The following DAB1 variants were observed in gnomAD, a reference collection of about 807,000 sequenced individuals.
DAB1 encodes DAB adaptor protein 1, also known as disabled homolog 1.
DAB1 carries 15 observed loss-of-function variants against 64.6 expected under a neutral mutation model. The ratio of observed to expected loss-of-function variants is 0.23; its 90% CI spans 0.16 to 0.36. DAB1 has a LOEUF of 0.36. Ranked by LOEUF, DAB1 falls within the 10% of genes least tolerant of loss-of-function variation. DAB1 has a pLI of 1.00. For missense variants in DAB1, 596 were observed against 706.7 expected (o/e 0.84, Z 1.78); for synonymous variants, 235 against 251.9 (o/e 0.93, Z 0.64).
chr1:58,350,072 C>T (rs898586702), intron 3 of DAB1, among the ~76,000 whole-genome samples: 3 of 152,188 alleles, frequency 2.0e-5, no homozygotes, highest in African/African-American at 7.2e-5. Flanking sequence ...ACACTCCCAC[C>T]AAATGTGTAA....
chr1:58,366,204 G>A (rs1644215674), intron 3 of DAB1, among the ~76,000 whole-genome samples: 1 of 152,166 alleles, frequency 6.6e-6, no homozygotes, highest in Non-Finnish European at 1.5e-5. Flanking sequence ...CTCATTCTGA[G>A]TATGGTTTTG....
intron 7 of DAB1, among the ~76,000 whole-genome samples, chr1:57,479,499 A>G (rs1359895003): frequency 6.6e-6 from 1 of 151,246 alleles, no homozygotes; most frequent in Admixed American, 6.6e-5. Context: ...TAGTTATCTA[A>G]TGCAGCATAT....
intron 9 of DAB1, among the ~76,000 whole-genome samples, chr1:57,037,804 A>G (rs905280260): frequency 6.6e-6 from 1 of 152,202 alleles, no homozygotes; most frequent in Non-Finnish European, 1.5e-5. Flanking sequence ...CAATTGAAGA[A>G]CAAGGGCAAG....
chr1:57,899,280 T>C (rs1644438447), intron 5 of DAB1, among the ~76,000 whole-genome samples: 1 of 152,152 alleles, frequency 6.6e-6, no homozygotes, highest in South Asian at 2.1e-4. Flanking sequence ...ATTTCATCTA[T>C]GTGTAAAGCT....
At chr1:57,844,008 T>C (rs1361772866) in intron 1 of DAB1, among the ~76,000 whole-genome samples, 1 of 152,254 alleles carries the variant, frequency 6.6e-6, no homozygotes. Context: ...AATTACTTTC[T>C]GGCTGTTCCC....
chr1:57,885,952 C>T (rs1467465571), upstream of DAB1, among the ~76,000 whole-genome samples: 2 of 152,184 alleles, frequency 1.3e-5, no homozygotes, highest in African/African-American at 4.8e-5. Flanking sequence ...TTCTACCCTC[C>T]TGCTTAATCT....
At chr1:58,386,752 A>G (rs1569715532) in intron 3 of DAB1, among the ~76,000 whole-genome samples, 1 of 152,238 alleles carries the variant, frequency 6.6e-6, no homozygotes, top group East Asian at 1.9e-4. Context: ...ATCAAAAGGA[A>G]TAACACAGAT....
At chr1:57,082,688 C>G (rs372311121) in intron 4 of DAB1, among the ~76,000 whole-genome samples, 263 of 152,222 alleles carry the variant, frequency 1.7e-3, no homozygotes, top group South Asian at 7.1e-3. Flanking sequence ...TCCCCCTGAT[C>G]CCCCAACAGG....
At chr1:57,319,058 C>T (rs1237925236) in intron 1 of DAB1, among the ~76,000 whole-genome samples, 1 of 152,226 alleles carries the variant, frequency 6.6e-6, no homozygotes, top group Non-Finnish European at 1.5e-5. Context: ...GAGATCCCCA[C>T]CTGTCTTTCC....
chr1:57,651,686 C>G (rs1646258143), intron 6 of DAB1, among the ~76,000 whole-genome samples: 1 of 152,000 alleles, frequency 6.6e-6, no homozygotes. Flanking sequence ...TGACAGAAAG[C>G]CTGGAATTCA....
chr1:57,149,873 A>G (rs918098833), intron 2 of DAB1, among the ~76,000 whole-genome samples: 1 of 152,212 alleles, frequency 6.6e-6, no homozygotes. Flanking sequence ...GTTCACAAGC[A>G]CACATGCCCT....
In DAB1 at chr1:57,145,403, T is replaced by A; in HGVS notation, c.94A>T (p.Ile32Leu). 6.2e-7 allele frequency: 1 copy of A among 1,614,062 alleles called. No homozygotes were observed. Among genetic ancestry groups the A allele is most frequent in the Non-Finnish European group, 8.5e-7 (1 of 1,179,952 alleles). Residue 32 changes from isoleucine (I) to leucine (L), a missense_variant, in exon 3 of 15, where the codon ATA becomes TTA. Physicochemically the swap from Ile to Leu is conservative, Grantham distance 5. This residue lies in a region of DAB1 where 43 missense variants were observed against 39.6 expected (regional missense o/e 1.09). Transcript: ENST00000371236. ...KGQDRSEATL[I>L]KRFKGEGVRY... The stretch of plus-strand genomic sequence containing the variant: ...ACCCCTTCACCTTTAAACCTCTTTA[T>A]CAAAGTGGCTTCACTGCGATCCTGA...
At chr1:57,587,473 TATA>T (rs1645393974) in intron 7 of DAB1, among the ~76,000 whole-genome samples, 1 of 152,150 alleles carries the variant, frequency 6.6e-6, no homozygotes, top group African/African-American at 2.4e-5. Flanking sequence ...AGAAAGATTG[TATA>T]ATGTTATTTT....
chr1:58,226,134 C>A (rs1472039146), intron 4 of DAB1, among the ~76,000 whole-genome samples: 1 of 152,094 alleles, frequency 6.6e-6, no homozygotes, highest in African/African-American at 2.4e-5. Context: ...CTAGCTCTGG[C>A]CATCTCCAAG....
chr1:57,267,009 T>C (rs902172882), intron 2 of DAB1, among the ~76,000 whole-genome samples: 3 of 152,088 alleles, frequency 2.0e-5, no homozygotes, highest in Admixed American at 1.3e-4. Flanking sequence ...TACTGTCATG[T>C]CCTAATCTAC....
At chr1:58,422,697 C>T (rs1205040281) in intron 3 of DAB1, among the ~76,000 whole-genome samples, 3 of 150,570 alleles carry the variant, frequency 2.0e-5, no homozygotes, top group African/African-American at 7.3e-5. Context: ...CTGCCAGCTG[C>T]TTGGCCACAT....
Position 58,180,281 on chromosome 1 carries a change from C to CTTTTTTTTTTTTTTTTT in DAB1, n.310-29710_310-29694dup, listed in dbSNP as rs869204611. ...CTTTCTTTTTTCTTTTTTTTCTTTT[C>CTTTTTTTTTTTTTTTTT]TTTTTTTTTTTTTTTTTTTTTTTTT... On this transcript the variant is annotated intron_variant and non_coding_transcript_variant, in intron 4 of 20. Transcript: ENST00000485760. Among the ~76,000 whole-genome samples the CTTTTTTTTTTTTTTTTT allele has an allele frequency of 2.5e-4, 15 of 61,034 alleles. 1 individual carries two copies. Among genetic ancestry groups the CTTTTTTTTTTTTTTTTT allele is most frequent in the Non-Finnish European group, 3.2e-4 (11 of 34,680 alleles). The allele number at this position is 61,034 out of a possible 152,430, so 40.0% of individuals were successfully genotyped here. A position where few individuals can be genotyped will look rare whatever the true frequency, so the allele number is the denominator to read the frequency against.
chr1:57,121,904 GTTA>G (rs1557759753), intron 4 of DAB1, among the ~76,000 whole-genome samples: 1 of 151,676 alleles, frequency 6.6e-6, no homozygotes, highest in East Asian at 1.9e-4. Context: ...AAAACTTAAA[GTTA>G]AAAAAAAAAG....
chr1:57,369,389 G>C (rs901902120), intron 1 of DAB1, among the ~76,000 whole-genome samples: 5 of 150,868 alleles, frequency 3.3e-5, no homozygotes, highest in Admixed American at 3.3e-4. Flanking sequence ...TTAAAAGTCA[G>C]AAAAACATTT....
Sources: allele counts gnomAD v4.1 joint callset (sites outside exome capture counted in the v4.1 genomes callset), GRCh38; gene constraint gnomAD v4.1.1; regional missense constraint gnomAD v4.1.1; transcripts MANE v1.5; gene names NCBI Gene and HGNC (gene_info 2026-07-23, HGNC 2026-07-21).